Variants in GSE1 observed in about 807,000 individuals in gnomAD.
The protein encoded by GSE1 is genetic suppressor element 1.
A neutral mutation model predicts 112.6 loss-of-function variants in GSE1; 32 were observed. The observed-to-expected ratio is 0.28, with a 90% CI of 0.21 to 0.38. GSE1 has a LOEUF of 0.38. Ranked by LOEUF, GSE1 falls within the 10% of genes least tolerant of loss-of-function variation. The pLI, the probability that GSE1 is intolerant of heterozygous loss-of-function variation, is 1.00. For synonymous variants in GSE1, 1,115 were observed against 735.6 expected (o/e 1.52, Z -8.35); for missense variants, 2,348 against 1,699.2 (o/e 1.38, Z -6.71).
chr16:85,418,129 G>A (rs1019603506), intron 2 of GSE1, among the ~76,000 whole-genome samples: 4 of 152,362 alleles, frequency 2.6e-5, no homozygotes, highest in South Asian at 4.1e-4. Context: ...GAGCCACCGC[G>A]CCTGGCTGGA....
At position 85,265,510 on chromosome 16, in the gene GSE1, C is replaced by T. The variant is rs557474344; in HGVS notation, c.2284-91953C>T. 1.1e-4 allele frequency among the ~76,000 whole-genome samples: 16 copies of T among 152,236 alleles called. No individual in the cohort carries two copies. In the East Asian group the frequency reaches 2.7e-3, roughly 26 times the overall value. ...TTCCTGGCCTTTTCTAGAATATGTC[C>T]GGACTATATCTCATAACTGGGCAGA... On this transcript the variant is annotated intron_variant, in intron 1 of 2. Transcript: ENST00000637419.
chr16:85,298,111 G>A (rs943248862), intron 1 of GSE1, among the ~76,000 whole-genome samples: 1 of 152,204 alleles, frequency 6.6e-6, no homozygotes, highest in Non-Finnish European at 1.5e-5. Flanking sequence ...TGCAACGTGG[G>A]ACATGTCCAG....
At chr16:85,657,939 C>T (rs1157802472) in intron 8 of GSE1, among the ~76,000 whole-genome samples, 3 of 152,210 alleles carry the variant, frequency 2.0e-5, no homozygotes, top group African/African-American at 7.2e-5. Context: ...GCTTTAATTA[C>T]TAATAATACC....
At chr16:85,608,080 G>A (rs572620085), upstream of GSE1, among the ~76,000 whole-genome samples, 10 of 152,340 alleles carry the variant, frequency 6.6e-5, no homozygotes, top group Non-Finnish European at 1.3e-4. Context: ...TCCAGAGGCA[G>A]GGATGGGAAA....
At chr16:85,356,637 C>A (rs2046956484) in intron 1 of GSE1, among the ~76,000 whole-genome samples, 1 of 152,224 alleles carries the variant, frequency 6.6e-6, no homozygotes, top group African/African-American at 2.4e-5. Flanking sequence ...TCACAGCCTT[C>A]CTGTGTCCAT....
intron 2 of GSE1, among the ~76,000 whole-genome samples, chr16:85,474,524 C>G (rs1357435411): frequency 6.6e-6 from 1 of 152,116 alleles, no homozygotes; most frequent in Non-Finnish European, 1.5e-5. Context: ...CACAATTAAA[C>G]CCGGGTGCCT....
intron 2 of GSE1, among the ~76,000 whole-genome samples, chr16:85,647,402 C>G: frequency 6.6e-6 from 1 of 152,178 alleles, no homozygotes; most frequent in East Asian, 1.9e-4. Context: ...CTAGGCAAAC[C>G]TCCTGATGTG....
chr16:85,231,884 GTCA>G (rs1171731917), intron 1 of GSE1, among the ~76,000 whole-genome samples: 1 of 152,254 alleles, frequency 6.6e-6, no homozygotes. Context: ...CAAATGAAAA[GTCA>G]TCATGGTGCT....
chr16:85,314,221 G>A (rs2151488145), intron 1 of GSE1, among the ~76,000 whole-genome samples: 1 of 152,266 alleles, frequency 6.6e-6, no homozygotes, highest in South Asian at 2.1e-4. Flanking sequence ...AAAGGAGGAG[G>A]CAGGCATTCT....
At chr16:85,175,967 C>G (rs1456181822) in intron 1 of GSE1, among the ~76,000 whole-genome samples, 3 of 152,168 alleles carry the variant, frequency 2.0e-5, no homozygotes, top group African/African-American at 7.2e-5. Flanking sequence ...CCAGCCTCTA[C>G]TTGGTCTTGC....
chr16:85,530,260 C>T (rs760357104), intron 2 of GSE1, among the ~76,000 whole-genome samples: 3 of 152,194 alleles, frequency 2.0e-5, no homozygotes, highest in Non-Finnish European at 4.4e-5. Flanking sequence ...TCCTGTTTGC[C>T]TCCCAGCCTG....
upstream of GSE1, chr16:85,554,788 A>AGGGAGGACGGACGGGC (rs2045113783): frequency 1.9e-6 from 1 of 532,226 alleles, no homozygotes; most frequent in African/African-American, 9.2e-5. Context: ...GGGGGGAGGG[A>AGGGAGGACGGACGGGC]GGGAGGACGG....
chr16:85,450,117 C>CTTTTTTTTTTT (rs59854597), intron 2 of GSE1, among the ~76,000 whole-genome samples: 9 of 79,506 alleles, frequency 1.1e-4, no homozygotes, highest in African/African-American at 3.8e-4. Context: ...AGGCAGCTGA[C>CTTTTTTTTTTT]TTTTTTTTTT....
intron 2 of GSE1, among the ~76,000 whole-genome samples, chr16:85,367,270 C>G (rs915449086): frequency 2.0e-5 from 3 of 152,220 alleles, no homozygotes; most frequent in African/African-American, 4.8e-5. Context: ...TTCACCACGG[C>G]TCCGATCTGA....
intron 2 of GSE1, among the ~76,000 whole-genome samples, chr16:85,645,780 C>T (rs1458581694): frequency 2.6e-5 from 4 of 152,236 alleles, no homozygotes; most frequent in South Asian, 2.1e-4. Context: ...CTGGGGTCCT[C>T]CTTCTGGAAA....
At chr16:85,632,804 G>A (rs1191634424) in intron 1 of GSE1, among the ~76,000 whole-genome samples, 1 of 152,198 alleles carries the variant, frequency 6.6e-6, no homozygotes, top group Non-Finnish European at 1.5e-5. Flanking sequence ...CATCCACAGG[G>A]AGGAAGCCGG....
chr16:85,527,570 C>T (rs761014135), intron 2 of GSE1, among the ~76,000 whole-genome samples: 81 of 152,266 alleles, frequency 5.3e-4, no homozygotes, highest in Non-Finnish European at 3.5e-4. Flanking sequence ...TACGCACCCG[C>T]GCCACACTGC....
intron 2 of GSE1, among the ~76,000 whole-genome samples, chr16:85,383,186 G>GCC (rs1305257485): frequency 3.3e-5 from 5 of 151,570 alleles, no homozygotes; most frequent in African/African-American, 1.2e-4. Flanking sequence ...GTGCACATTT[G>GCC]CACACACACA....
chr16:85,393,250 C>A (rs2047886936), intron 2 of GSE1, among the ~76,000 whole-genome samples: 1 of 152,190 alleles, frequency 6.6e-6, no homozygotes, highest in Non-Finnish European at 1.5e-5. Flanking sequence ...GCCTGGGCAA[C>A]ATAGCAAGAC....
Sources: gnomAD v4.1 joint callset for allele counts (sites outside exome capture counted in the v4.1 genomes callset) on GRCh38, gnomAD v4.1.1 for gene constraint, MANE v1.5 for transcripts, NCBI Gene and HGNC (gene_info 2026-07-23, HGNC 2026-07-21) for gene names.